The following LRP1 variants were observed in gnomAD, a reference collection of about 807,000 sequenced individuals.
The protein encoded by LRP1 is prolow-density lipoprotein receptor-related protein 1.
LRP1 carries 51 observed loss-of-function variants against 541.5 expected under a neutral mutation model. The observed-to-expected ratio is 0.09, with a 90% CI of 0.08 to 0.12. The LOEUF is 0.12. LRP1 is among the 10% of genes least tolerant of loss of function. The pLI is 1.00. For synonymous variants in LRP1, 2,219 were observed against 2,470.8 expected, an observed-to-expected ratio of 0.90 and a Z score of 3.02; for missense variants, 3,878 against 6,376.2, an observed-to-expected ratio of 0.61 and a Z score of 13.34.
In LRP1 at chr12:57,175,696, C is replaced by G. The variant is rs2036030752; in HGVS notation, c.3784C>G (p.Arg1262Gly). ...CCTGGAACCTGACGGCGAGAGCTGC[C>G]GCAGCCTGGGTGAGACAACAGTGAG... ...WVLEPDGESC[R>G]SLDPFKPFII... The change falls in exon 23 of 89, where the codon CGC becomes GGC. Residue 1262 changes from arginine (R) to glycine (G), a missense_variant. Physicochemically the swap from Arg to Gly is moderately radical, Grantham distance 125 (BLOSUM62 -2). Around this residue, in one of 13 missense-constraint regions of LRP1, gnomAD observed 320 missense variants for 547.9 expected, o/e 0.58. Coordinates refer to ENST00000243077, the MANE Select transcript of LRP1 (RefSeq NM_002332.3). The G allele has an allele frequency of 1.3e-6, 2 of 1,568,676 alleles. No homozygotes were observed. Among genetic ancestry groups the G allele is most frequent in the Non-Finnish European group, 1.7e-6 (2 of 1,154,870 alleles).
chr12:57,137,241 CAAA>C (rs34702781), intron 1 of LRP1, among the ~76,000 whole-genome samples: 1 of 101,104 alleles, frequency 9.9e-6, no homozygotes, highest in Admixed American at 9.3e-5. Context: ...AACTCTGTCT[CAAA>C]AAAAAAAAAA....
In LRP1 at chr12:57,178,535, C is replaced by T; in HGVS notation, c.4538C>T (p.Thr1513Ile). ...AACAAGTGGACCGGCCACAATGTCACCGTGGTACAGAGGACCAACACCCAG... is the reference window on the plus strand; with the variant it reads ...AACAAGTGGACCGGCCACAATGTCATCGTGGTACAGAGGACCAACACCCAG... ...KANKWTGHNV[T>I]VVQRTNTQPF... The change falls in exon 27 of 89, where the codon ACC becomes ATC. Residue 1513 changes from threonine to isoleucine, a missense_variant. Thr to Ile is a moderately conservative substitution (Grantham distance 89). Around this residue, in one of 13 missense-constraint regions of LRP1, gnomAD observed 54 missense variants for 167.7 expected, o/e 0.32. Coordinates refer to ENST00000243077, the MANE Select transcript of LRP1 (RefSeq NM_002332.3). The surrounding 1 kb of genome is among the most constrained non-coding windows in gnomAD (Gnocchi z 5.8). The T allele has an allele frequency of 1.2e-6, 2 of 1,614,238 alleles. No homozygotes were observed. Among genetic ancestry groups the T allele is most frequent in the Non-Finnish European group, 1.7e-6 (2 of 1,180,046 alleles).
intron 1 of LRP1, among the ~76,000 whole-genome samples, chr12:57,135,370 C>T (rs1202461842): frequency 6.6e-6 from 1 of 152,192 alleles, no homozygotes; most frequent in African/African-American, 2.4e-5. Flanking sequence ...GAAGGCTCTG[C>T]TGAGGGGAGT....
rs1402537092 is a variant in LRP1, at chr12:57,169,242, C to T, written c.3098C>T (p.Thr1033Ile). ...GGGCGTTGCATCCCCGAGCACTGGA[C>T]CTGCGATGGGGACAATGACTGCGGA... ...NSGRCIPEHW[T>I]CDGDNDCGDY... The change falls in exon 20 of 89, where the codon ACC becomes ATC. Residue 1033 changes from threonine (T) to isoleucine (I), a missense_variant. Around this residue, in one of 13 missense-constraint regions of LRP1, gnomAD observed 320 missense variants for 547.9 expected, o/e 0.58. Transcript: ENST00000243077. The T allele has an allele frequency of 6.2e-7, 1 of 1,613,968 alleles. No individual in the cohort carries two copies. Among genetic ancestry groups the T allele is most frequent in the Non-Finnish European group, 8.5e-7 (1 of 1,179,984 alleles).
rs765634369 is a variant in LRP1, at chr12:57,177,550, C to T, written c.4320C>T (p.Thr1440=). 9.9e-6 allele frequency: 16 copies of T among 1,613,796 alleles called. No homozygotes were observed. The highest frequency in any genetic ancestry group is 2.2e-5 in the East Asian group (1 of 44,894). The stretch of plus-strand genomic sequence containing the variant: ...CTGGGGGCTGGCCCAACGGGCTCAC[C>T]GTGGACTACCTGGAGAAGCGCATCC... The part of the protein sequence containing the change: ...TGSGGWPNGL[T]VDYLEKRILW... The change falls in exon 26 of 89, where the codon ACC becomes ACT. Residue 1440 remains threonine, a synonymous_variant. Transcript: ENST00000243077. This position sits in a 1 kb window ranked among gnomAD's most constrained non-coding sequence, Gnocchi z 6.8.
At position 57,177,116 on chromosome 12, in the gene LRP1, G is replaced by A. The variant is rs763071789; in HGVS notation, c.4067G>A (p.Gly1356Asp). Residue 1356 changes from glycine to aspartate, a missense_variant, in exon 25 of 89, where the codon GGC (glycine) becomes GAC (aspartate). Gly to Asp is a moderately conservative substitution (Grantham distance 94, BLOSUM62 -1). This residue lies in a region of LRP1 where 24 missense variants were observed against 109.1 expected (regional missense o/e 0.22). Transcript: ENST00000243077. The surrounding 1 kb of genome is among the most constrained non-coding windows in gnomAD (Gnocchi z 6.8). ...GGCCTGGCTGTAGACTGGATTGCAG[G>A]CAACATCTACTGGGTGGAGAGTAAC... The part of the protein sequence containing the change: ...PEGLAVDWIA[G>D]NIYWVESNLD... The A allele has an allele frequency of 4.6e-5, 75 of 1,614,112 alleles. No homozygotes were observed. The highest frequency in any genetic ancestry group is 6.3e-5 in the Non-Finnish European group (74 of 1,180,050).
At chr12:57,135,796 G>C (rs2035148015) in intron 1 of LRP1, among the ~76,000 whole-genome samples, 1 of 152,060 alleles carries the variant, frequency 6.6e-6, no homozygotes. Context: ...GCCAGCTGCT[G>C]TTTCCTCTGT....
intron 6 of LRP1, among the ~76,000 whole-genome samples, chr12:57,152,144 G>A (rs928820110): frequency 6.6e-6 from 1 of 152,136 alleles, no homozygotes; most frequent in African/African-American, 2.4e-5. Flanking sequence ...GGGGCTGATT[G>A]TGGAGCTGCA....
chr12:57,160,573 C>T (rs1052735185), intron 12 of LRP1, among the ~76,000 whole-genome samples: 1 of 152,164 alleles, frequency 6.6e-6, no homozygotes, highest in African/African-American at 2.4e-5. Context: ...CATCACCCTG[C>T]TTTATTTCCC....
chr12:57,193,293 C>T lies in LRP1; in HGVS notation c.7673C>T (p.Pro2558Leu), dbSNP rs2036456116. Residue 2558 changes from proline to leucine, a missense_variant, in exon 46 of 89, where the codon CCA becomes CTA. Coordinates refer to ENST00000243077, the MANE Select transcript of LRP1 (RefSeq NM_002332.3). ...TGCAAGGACAAGTCCGATGAGAAGC[C>T]ATCCTACTGCAGTAAGGAGCCCCCT... ...PHCKDKSDEK[P>L]SYCNSRRCKK... The T allele has an allele frequency of 6.2e-7, 1 of 1,612,244 alleles. No homozygotes were observed. The highest frequency in any genetic ancestry group is 2.2e-5 in the East Asian group (1 of 44,888).
chr12:57,178,786 T>C lies in LRP1; in HGVS notation c.4607-104T>C. 1 of 1,521,676 alleles carries C rather than the reference T, an allele frequency of 6.6e-7. No homozygotes were observed. The highest frequency in any genetic ancestry group is 8.8e-7 in the Non-Finnish European group (1 of 1,131,050). 94.3% of individuals were successfully genotyped at this position (1,521,676 alleles called of 1,614,324 possible). ...CAGAGAAGGGTCTAGTAGTAGCGGC[T>C]GCTGGAACAGGGGGAGGAGAGTGGG... On this transcript the variant is annotated intron_variant, in intron 27 of 88. Coordinates refer to ENST00000243077, the MANE Select transcript of LRP1 (RefSeq NM_002332.3). The surrounding 1 kb of genome is among the most constrained non-coding windows in gnomAD (Gnocchi z 5.8).
At chr12:57,199,088 C>T (rs2036594321) in intron 60 of LRP1, 124 bp from the exon 61 acceptor site, 1 of 863,080 alleles carries the variant, frequency 1.2e-6, no homozygotes, top group Non-Finnish European at 1.9e-6. Flanking sequence ...GTACCATGAA[C>T]CATCTGTAAC....
In LRP1 at chr12:57,156,959, C is replaced by G. The variant is rs1407398183; in HGVS notation, c.1561+39C>G. 4 of 1,524,218 alleles carry G rather than the reference C, an allele frequency of 2.6e-6. No individual in the cohort carries two copies. The Admixed American group carries it at 7.0e-5, about 27-fold the overall frequency. The allele number at this position is 1,524,218 out of a possible 1,614,324, so 94.4% of individuals were successfully genotyped here. On this transcript the variant is annotated intron_variant, in intron 10 of 88. Coordinates refer to ENST00000243077, the MANE Select transcript of LRP1 (RefSeq NM_002332.3). The surrounding 1 kb of genome is among the most constrained non-coding windows in gnomAD (Gnocchi z 5.2). ...AAGGGGGTGTGTGCCCATTGGGAGG[C>G]TGCGGGAGGGTTCCTCAGGTGTCCC...
At chr12:57,129,166 G>C in intron 1 of LRP1, 135 bp downstream of exon 1, 1 of 940,418 alleles carries the variant, frequency 1.1e-6, no homozygotes, top group Non-Finnish European at 1.6e-6. Flanking sequence ...CACAGCAGCG[G>C]CCCGACTGGG....
In LRP1 at chr12:57,185,381, A is replaced by C. The variant is rs1326395086; in HGVS notation, c.6464-150A>C. 9.1e-6 allele frequency: 12 copies of C among 1,317,794 alleles called. No homozygotes were observed. The highest frequency in any genetic ancestry group is 1.5e-5 in the African/African-American group (1 of 67,760). 81.6% of individuals were successfully genotyped at this position (1,317,794 alleles called of 1,614,324 possible). A position where few individuals can be genotyped will look rare whatever the true frequency, so the allele number is the denominator to read the frequency against. On this transcript the variant is annotated intron_variant, in intron 40 of 88. Coordinates refer to ENST00000243077, the MANE Select transcript of LRP1 (RefSeq NM_002332.3). This position sits in a 1 kb window ranked among gnomAD's most constrained non-coding sequence, Gnocchi z 4.9. ...GAAAGGCTGAGGTGCTCTGGGACAGATCTTGGCATTGGACTCTGGGCCCTG... is the reference window on the plus strand; with the variant it reads ...GAAAGGCTGAGGTGCTCTGGGACAGCTCTTGGCATTGGACTCTGGGCCCTG...
At chr12:57,191,909 C>CCA (rs1565744007) in intron 44 of LRP1, among the ~76,000 whole-genome samples, 1 of 982 alleles carries the variant, frequency 1.0e-3, no homozygotes, top group Non-Finnish European at 2.1e-3. Context: ...CATACACACA[C>CCA]CACCACACAC....
At chr12:57,176,188 C>A in intron 24 of LRP1, 82 bp downstream of exon 24, 2 of 1,429,948 alleles carry the variant, frequency 1.4e-6, no homozygotes, top group South Asian at 1.2e-5. Flanking sequence ...TCCAAGTGGC[C>A]CCAAAGCAGA....
chr12:57,129,055 T>C (rs1303929181), intron 1 of LRP1, 24 bp downstream of exon 1: 9 of 1,550,526 alleles, frequency 5.8e-6, no homozygotes, highest in Non-Finnish European at 7.9e-6. Context: ...CGCGTCCCCC[T>C]TGGACCCCTG....
intron 70 of LRP1, chr12:57,203,880 C>A (rs999825905): frequency 7.8e-6 from 2 of 255,644 alleles, no homozygotes; most frequent in African/African-American, 2.2e-5. Context: ...CCTATTTTCC[C>A]TTCCTGGGGG....
Sources: gnomAD v4.1 joint callset for allele counts (sites outside exome capture counted in the v4.1 genomes callset) on GRCh38, gnomAD v4.1.1 for gene constraint, gnomAD v4.1.1 regional missense constraint, Gnocchi (gnomAD v3.1) non-coding constraint, MANE v1.5 for transcripts, NCBI Gene and HGNC (gene_info 2026-07-23, HGNC 2026-07-21) for gene names.